PLXNA2: variants seen among roughly 807,000 people sequenced by gnomAD.
The protein encoded by PLXNA2 is plexin A2.
Under a neutral mutation model 193.5 loss-of-function variants are expected in PLXNA2, and 91 were observed. The ratio of observed to expected loss-of-function variants is 0.47; its 90% CI spans 0.40 to 0.56. The LOEUF (loss-of-function observed/expected upper bound fraction) is 0.56, where lower values mean the gene tolerates loss of function less well. PLXNA2 is among the 20% of genes least tolerant of loss of function. The probability of loss-of-function intolerance (pLI) is 0.00; values close to 1 mark genes in which losing one functional copy is unlikely to be tolerated. For missense variants in PLXNA2, 1,995 were observed against 2,503.2 expected (o/e 0.80, Z 4.33); for synonymous variants, 997 against 1,027.3 (o/e 0.97, Z 0.56).
chr1:208,167,071 G>C lies in PLXNA2; in HGVS notation c.1372-24608C>G, dbSNP rs1051446907. Among the ~76,000 whole-genome samples the C allele has an allele frequency of 2.0e-5, 3 of 152,202 alleles. No individual in the cohort carries two copies. In the East Asian group the frequency reaches 5.8e-4, roughly 29 times the overall value. ...CTGCCAGCCTCTCTAGGTTGCTGGGGATAAGCATCAACTAGGCAAAGGAAA... is the reference window on the plus strand; with the variant it reads ...CTGCCAGCCTCTCTAGGTTGCTGGGCATAAGCATCAACTAGGCAAAGGAAA... On this transcript the variant is annotated intron_variant, in intron 3 of 31. Coordinates refer to ENST00000367033, the MANE Select transcript of PLXNA2 (RefSeq NM_025179.4).
At chr1:208,093,167 A>T (rs987648744) in intron 8 of PLXNA2, among the ~76,000 whole-genome samples, 1 of 152,228 alleles carries the variant, frequency 6.6e-6, no homozygotes, top group African/African-American at 2.4e-5. Flanking sequence ...AGAACTGATT[A>T]TTCACATTTT....
rs1362391835 is a variant in PLXNA2 at position 208,025,318 on chromosome 1, G to C, written c.*1925C>G. On this transcript the variant is annotated 3_prime_UTR_variant, in exon 32 of 32. Transcript: ENST00000367033. ...CAGCCCTCTCCTGGGAATCACATGT[G>C]GTCAGCAGGGCCTTTGGAAATTGGA... is the stretch of plus-strand genomic sequence containing the variant. The C allele has an allele frequency of 6.6e-6, 1 of 152,410 alleles. No individual in the cohort carries two copies. Among genetic ancestry groups the C allele is most frequent in the African/African-American group, 2.4e-5 (1 of 41,444 alleles). 9.4% of individuals were successfully genotyped at this position (152,410 alleles called of 1,614,324 possible). A position where few individuals can be genotyped will look rare whatever the true frequency, so the allele number is the denominator to read the frequency against.
intron 4 of PLXNA2, among the ~76,000 whole-genome samples, chr1:208,132,867 G>A (rs979711498): frequency 2.6e-5 from 4 of 152,154 alleles, no homozygotes; most frequent in Admixed American, 6.5e-5. Context: ...CCATTTTACA[G>A]GTGAGGTAAC....
At chr1:208,161,332 G>T (rs571779740) in intron 3 of PLXNA2, among the ~76,000 whole-genome samples, 8 of 152,250 alleles carry the variant, frequency 5.3e-5, no homozygotes, top group African/African-American at 1.9e-4. Flanking sequence ...CAGAAGGCTG[G>T]TGAACTGCAG....
At chr1:208,029,866 G>C (rs1272805492) in intron 29 of PLXNA2, 2 of 985,546 alleles carry the variant, frequency 2.0e-6, no homozygotes, top group African/African-American at 3.5e-5. Flanking sequence ...TCCTTTTCCA[G>C]CTTTGCCTTC....
intron 1 of PLXNA2, among the ~76,000 whole-genome samples, chr1:208,226,399 C>T (rs1045707910): frequency 3.3e-5 from 5 of 152,036 alleles, no homozygotes; most frequent in Non-Finnish European, 5.9e-5. Flanking sequence ...CTGGAAACCA[C>T]ACCAGCTCTC....
chr1:208,098,672 T>C (rs967318290), intron 6 of PLXNA2, among the ~76,000 whole-genome samples, 174 bp downstream of exon 6: 1 of 152,238 alleles, frequency 6.6e-6, no homozygotes, highest in African/African-American at 2.4e-5. Flanking sequence ...AACTGGAGAA[T>C]GACTATGCCC....
Position 208,046,057 on chromosome 1 carries a change from A to G in PLXNA2, c.3316T>C (p.Tyr1106His). ...TCCACAGTGTCCAGGCCAGGGCGGT[A>G]GTCCGTGGTCAGAGAGGGTGCCAGG... ...TCLAPSLTTD[Y>H]RPGLDTVERP... The change falls in exon 18 of 32, where the codon TAC becomes CAC. Residue 1106 changes from tyrosine to histidine, a missense_variant. Transcript: ENST00000367033. 1 of 1,614,242 alleles carries G rather than the reference A, an allele frequency of 6.2e-7. No individual in the cohort carries two copies. Among genetic ancestry groups the G allele is most frequent in the Non-Finnish European group, 8.5e-7 (1 of 1,180,048 alleles).
intron 3 of PLXNA2, among the ~76,000 whole-genome samples, chr1:208,170,939 C>T (rs1015481887): frequency 6.6e-6 from 1 of 152,148 alleles, no homozygotes; most frequent in Non-Finnish European, 1.5e-5. Context: ...GAAGTAATGC[C>T]AGTGAGCAAA....
At chr1:208,079,502 T>C in intron 11 of PLXNA2, 52 bp from the exon 12 acceptor site, 5 of 1,346,678 alleles carry the variant, frequency 3.7e-6, no homozygotes, top group Middle Eastern at 2.0e-4. Flanking sequence ...CTGCTCACAA[T>C]GCACCCTCCT....
intron 3 of PLXNA2, among the ~76,000 whole-genome samples, chr1:208,185,139 T>C (rs1384792545): frequency 6.6e-6 from 1 of 152,222 alleles, no homozygotes; most frequent in Non-Finnish European, 1.5e-5. Flanking sequence ...GATTTCCTTC[T>C]AAGGTGTCTT....
Position 208,045,730 on chromosome 1 carries a change from A to G in PLXNA2, c.3495+148T>C, listed in dbSNP as rs536697083. 1.2e-3 allele frequency: 1,135 copies of G among 936,996 alleles called. 10 individuals carry two copies. The highest frequency in any genetic ancestry group is 5.8e-3 in the Middle Eastern group (17 of 2,924). The allele number at this position is 936,996 out of a possible 1,614,324, so 58.0% of individuals were successfully genotyped here. A position where few individuals can be genotyped will look rare whatever the true frequency, so the allele number is the denominator to read the frequency against. Reference sequence around the variant, plus strand: ...TCGCCTGATGGGTCGATATCTACCCATGAGCTCCTTCTGTAGGAAGGAGAC... The same window carrying G: ...TCGCCTGATGGGTCGATATCTACCCGTGAGCTCCTTCTGTAGGAAGGAGAC... On this transcript the variant is annotated intron_variant, in intron 18 of 31. Coordinates refer to ENST00000367033, the MANE Select transcript of PLXNA2 (RefSeq NM_025179.4).
intron 17 of PLXNA2, among the ~76,000 whole-genome samples, chr1:208,049,410 G>A (rs552187388): frequency 6.6e-6 from 1 of 151,644 alleles, no homozygotes; most frequent in Admixed American, 6.6e-5. Context: ...GGGACCCTGA[G>A]CTTCAGTCTG....
intron 4 of PLXNA2, among the ~76,000 whole-genome samples, chr1:208,105,012 C>G (rs1347304206): frequency 1.3e-5 from 2 of 152,084 alleles, no homozygotes; most frequent in Non-Finnish European, 2.9e-5. Context: ...GAGGTGATAA[C>G]GAAAGAAGCT....
chr1:208,054,648 A>C, intron 13 of PLXNA2, 110 bp from the exon 14 acceptor site: 1 of 754,018 alleles, frequency 1.3e-6, no homozygotes, highest in Non-Finnish European at 2.3e-6. Context: ...CAATAATGCC[A>C]GACCAAGACT....
rs576305592 is a variant in PLXNA2, at chr1:208,026,687, G to A, written c.*556C>T. ...TTTTTTTTAATTTCAAGGAAAAGGA[G>A]ACAGTCATTTTCTCTCCAATGTCTC... On this transcript the variant is annotated 3_prime_UTR_variant, in exon 32 of 32. Transcript: ENST00000367033. The A allele has an allele frequency of 6.8e-6, 1 of 147,314 alleles. No individual in the cohort carries two copies. Among genetic ancestry groups the A allele is most frequent in the African/African-American group, 2.5e-5 (1 of 39,450 alleles). The allele number at this position is 147,314 out of a possible 1,614,324, so 9.1% of individuals were successfully genotyped here.
rs1665051666 is a variant in PLXNA2, at chr1:208,046,037, A to G, written c.3336T>C (p.Thr1112=). Residue 1112 remains threonine, a synonymous_variant, in exon 18 of 32, where the codon ACT becomes ACC. Coordinates refer to ENST00000367033, the MANE Select transcript of PLXNA2 (RefSeq NM_025179.4). ...LTTDYRPGLD[T]VERPDEFGFV... is the part of the protein sequence containing the mutation. ...ATCCAAACTCATCTGGGCGTTCCAC[A>G]GTGTCCAGGCCAGGGCGGTAGTCCG... 6.2e-7 allele frequency: 1 copy of G among 1,614,132 alleles called. No individual in the cohort carries two copies. Among genetic ancestry groups the G allele is most frequent in the African/African-American group, 1.3e-5 (1 of 74,942 alleles).
chr1:208,052,069 T>C, intron 15 of PLXNA2, among the ~76,000 whole-genome samples: 1 of 152,154 alleles, frequency 6.6e-6, no homozygotes, highest in East Asian at 1.9e-4. Context: ...GGGGAGCTCC[T>C]AGGAGCCTCC....
chr1:208,116,778 G>T (rs1214392185), intron 4 of PLXNA2, among the ~76,000 whole-genome samples: 1 of 152,158 alleles, frequency 6.6e-6, no homozygotes, highest in Non-Finnish European at 1.5e-5. Flanking sequence ...AAGGTAAAGT[G>T]CAGACTGCCA....
Sources: gnomAD v4.1 joint callset for allele counts (sites outside exome capture counted in the v4.1 genomes callset) on GRCh38, gnomAD v4.1.1 for gene constraint, MANE v1.5 for transcripts, NCBI Gene and HGNC (gene_info 2026-07-23, HGNC 2026-07-21) for gene names.